Variants in DNM3 observed in about 807,000 individuals in gnomAD.
DNM3 encodes the protein dynamin 3, also known as dynamin-3.
DNM3 carries 47 observed loss-of-function variants against 101.6 expected under a neutral mutation model. The ratio of observed to expected loss-of-function variants is 0.46; its 90% CI spans 0.37 to 0.59. DNM3 has a LOEUF of 0.59. Among genes scored for constraint, DNM3 ranks in the 20% least tolerant of loss-of-function variants. DNM3 has a pLI of 0.00. For missense variants in DNM3, 849 were observed against 1,085.7 expected, an observed-to-expected ratio of 0.78 and a Z score of 3.06; for synonymous variants, 385 against 387.9, an observed-to-expected ratio of 0.99 and a Z score of 0.09.
chr1:172,221,913 A>G (rs1368170709), intron 14 of DNM3, among the ~76,000 whole-genome samples: 3 of 152,148 alleles, frequency 2.0e-5, no homozygotes, highest in African/African-American at 7.2e-5. Context: ...AAGACTTTGT[A>G]GGGTTTGTTC....
At chr1:172,038,536 G>C (rs192450784) in intron 7 of DNM3, 75 bp downstream of exon 7, 1,747 of 1,559,072 alleles carry the variant, frequency 1.1e-3, no homozygotes, top group Admixed American at 1.8e-3. Context: ...TAGTCTATTT[G>C]TCACGTTGCT....
At chr1:171,850,090 T>C (rs929902267) in intron 1 of DNM3, among the ~76,000 whole-genome samples, 1 of 152,122 alleles carries the variant, frequency 6.6e-6, no homozygotes, top group Non-Finnish European at 1.5e-5. Context: ...TGAGGAAGTC[T>C]AGTTGGCGAA....
intron 1 of DNM3, among the ~76,000 whole-genome samples, chr1:171,842,912 C>T (rs1177325840): frequency 1.3e-5 from 2 of 152,170 alleles, no homozygotes; most frequent in Admixed American, 1.3e-4. Context: ...AAATCTGTTT[C>T]CTAGTAATAG....
intron 2 of DNM3, among the ~76,000 whole-genome samples, chr1:171,940,425 GT>G (rs746753656): frequency 6.6e-5 from 10 of 152,102 alleles, no homozygotes; most frequent in Non-Finnish European, 1.2e-4. Flanking sequence ...TGTTTCAGTT[GT>G]TTTCCTGTTA....
chr1:172,190,502 A>T (rs1243624153), intron 14 of DNM3, among the ~76,000 whole-genome samples: 1 of 152,100 alleles, frequency 6.6e-6, no homozygotes. Context: ...TAGCAGCATG[A>T]TTTATAATCT....
chr1:172,044,560 C>A, intron 9 of DNM3, 108 bp downstream of exon 9: 1 of 869,206 alleles, frequency 1.2e-6, no homozygotes, highest in Non-Finnish European at 1.8e-6. Context: ...GGGTAGAATA[C>A]AGAGGTGGGA....
intron 14 of DNM3, among the ~76,000 whole-genome samples, chr1:172,200,080 A>T (rs2060098618): frequency 6.6e-6 from 1 of 152,088 alleles, no homozygotes; most frequent in Non-Finnish European, 1.5e-5. Context: ...TCCTGTCAAG[A>T]TCTCTTTTAA....
intron 14 of DNM3, among the ~76,000 whole-genome samples, chr1:172,240,127 CT>C (rs2061695409): frequency 6.6e-6 from 1 of 152,070 alleles, no homozygotes; most frequent in Non-Finnish European, 1.5e-5. Flanking sequence ...CCCAGCTCTG[CT>C]TTTCAAAGAA....
At chr1:172,213,517 C>CAAAAAAA (rs57339395) in intron 14 of DNM3, among the ~76,000 whole-genome samples, 6 of 79,378 alleles carry the variant, frequency 7.6e-5, no homozygotes, top group East Asian at 1.2e-3. Context: ...TCCATTGTTA[C>CAAAAAAA]AAAAAAAAAA....
chr1:172,379,636 A>T (rs1461445173), intron 18 of DNM3, among the ~76,000 whole-genome samples: 1 of 152,038 alleles, frequency 6.6e-6, no homozygotes, highest in Non-Finnish European at 1.5e-5. Flanking sequence ...TCTAAAATCT[A>T]TGGAATGCTA....
chr1:172,083,169 GTAACATACATCCT>G (rs2053280098), intron 12 of DNM3, among the ~76,000 whole-genome samples: 1 of 152,050 alleles, frequency 6.6e-6, no homozygotes, highest in African/African-American at 2.4e-5. Context: ...CACCTAAACT[GTAACATACATCCT>G]TATCCCTAGG....
intron 14 of DNM3, among the ~76,000 whole-genome samples, chr1:172,182,185 T>TG (rs1293084741): frequency 1.3e-5 from 2 of 151,750 alleles, no homozygotes; most frequent in Non-Finnish European, 2.9e-5. Context: ...TTTTATAGTT[T>TG]TTTTTTTTTT....
chr1:171,987,237 A>G, intron 2 of DNM3: 1 of 920,644 alleles, frequency 1.1e-6, no homozygotes, highest in Non-Finnish European at 1.3e-6. Context: ...CTGAAGATAT[A>G]TTTATATAAC....
At chr1:172,009,829 G>A (rs1261098162) in intron 4 of DNM3, among the ~76,000 whole-genome samples, 2 of 151,062 alleles carry the variant, frequency 1.3e-5, no homozygotes, top group South Asian at 2.1e-4. Context: ...TGGATGATGT[G>A]TTCTATAGAT....
At chr1:171,896,172 G>A (rs2037776160) in intron 1 of DNM3, among the ~76,000 whole-genome samples, 1 of 152,190 alleles carries the variant, frequency 6.6e-6, no homozygotes, top group Non-Finnish European at 1.5e-5. Flanking sequence ...CCAATTCTGT[G>A]AAGGAAGTCA....
intron 4 of DNM3, among the ~76,000 whole-genome samples, chr1:172,012,651 T>C (rs1204561895): frequency 2.0e-5 from 3 of 152,046 alleles, no homozygotes; most frequent in African/African-American, 7.2e-5. Flanking sequence ...CCCTCTCTTT[T>C]TCATGTCTCT....
chr1:172,403,344 C>T (rs756667948), intron 20 of DNM3, among the ~76,000 whole-genome samples: 22 of 152,090 alleles, frequency 1.4e-4, no homozygotes, highest in Non-Finnish European at 2.8e-4. Context: ...GGTTTTCACA[C>T]CCACCCCACA....
At chr1:172,189,139 C>T (rs2059620203) in intron 14 of DNM3, among the ~76,000 whole-genome samples, 1 of 151,894 alleles carries the variant, frequency 6.6e-6, no homozygotes, top group Non-Finnish European at 1.5e-5. Flanking sequence ...ATTGAATTGC[C>T]TTTTTCCCTT....
chr1:171,984,733 C>A (rs2045118344), intron 2 of DNM3, among the ~76,000 whole-genome samples: 1 of 152,156 alleles, frequency 6.6e-6, no homozygotes, highest in African/African-American at 2.4e-5. Context: ...TATTTTCCCC[C>A]CTTAATTATA....
Sources: allele counts gnomAD v4.1 joint callset (sites outside exome capture counted in the v4.1 genomes callset), GRCh38; gene constraint gnomAD v4.1.1; transcripts MANE v1.5; gene names NCBI Gene and HGNC (gene_info 2026-07-23, HGNC 2026-07-21).